GPC5: variants seen among roughly 807,000 people sequenced by gnomAD.
GPC5 encodes the protein glypican 5, also known as glypican-5.
In GPC5, 47 loss-of-function variants were observed where a neutral mutation model predicts 53.9. The ratio of observed to expected loss-of-function variants is 0.87; its 90% CI spans 0.69 to 1.11. The LOEUF is 1.11. Ranked by LOEUF, GPC5 falls within the 50% of genes most tolerant of loss-of-function variation. The pLI, the probability that GPC5 is intolerant of heterozygous loss-of-function variation, is 0.00. For missense variants in GPC5, 748 were observed against 713.1 expected, an observed-to-expected ratio of 1.05 and a Z score of -0.56; for synonymous variants, 286 against 263.3, an observed-to-expected ratio of 1.09 and a Z score of -0.84.
At chr13:92,544,923 A>T (rs1404252744) in intron 7 of GPC5, among the ~76,000 whole-genome samples, 3 of 151,374 alleles carry the variant, frequency 2.0e-5, no homozygotes, top group Admixed American at 6.6e-5. Flanking sequence ...TTTATTTTTT[A>T]TTTTTTTTAT....
intron 7 of GPC5, among the ~76,000 whole-genome samples, chr13:92,258,584 A>G (rs980689419): frequency 6.6e-6 from 1 of 152,196 alleles, no homozygotes; most frequent in Non-Finnish European, 1.5e-5. Context: ...ATTTATTTCT[A>G]TAAGATAGCT....
intron 7 of GPC5, among the ~76,000 whole-genome samples, chr13:92,612,392 C>T (rs1004379038): frequency 3.3e-5 from 5 of 151,942 alleles, no homozygotes; most frequent in Non-Finnish European, 5.9e-5. Flanking sequence ...GAAAATGATT[C>T]AAATCTTAAC....
chr13:92,492,407 G>C (rs1287651714), intron 7 of GPC5, among the ~76,000 whole-genome samples: 1 of 151,706 alleles, frequency 6.6e-6, no homozygotes, highest in Non-Finnish European at 1.5e-5. Context: ...AGGAGTTAAT[G>C]GGTGCAGCAC....
At chr13:91,717,713 T>A (rs1384598962) in intron 3 of GPC5, among the ~76,000 whole-genome samples, 1 of 151,922 alleles carries the variant, frequency 6.6e-6, no homozygotes, top group African/African-American at 2.4e-5. Context: ...CCTGCCATCA[T>A]GCCCGGCTAA....
intron 5 of GPC5, among the ~76,000 whole-genome samples, chr13:91,787,637 G>T (rs1312151919): frequency 4.6e-5 from 7 of 152,112 alleles, no homozygotes; most frequent in Admixed American, 3.9e-4. Context: ...AAGACAGTTT[G>T]CCTATGTATT....
intron 7 of GPC5, among the ~76,000 whole-genome samples, chr13:92,508,612 A>G (rs1039127789): frequency 1.3e-5 from 2 of 152,178 alleles, no homozygotes; most frequent in African/African-American, 4.8e-5. Flanking sequence ...GCTATTGGCT[A>G]TATGAATCTA....
At chr13:92,286,900 A>G (rs895878571) in intron 7 of GPC5, among the ~76,000 whole-genome samples, 1 of 152,168 alleles carries the variant, frequency 6.6e-6, no homozygotes, top group African/African-American at 2.4e-5. Flanking sequence ...TATCACTAGT[A>G]AAAAAGAAAA....
chr13:92,700,102 C>G (rs1347060624), intron 7 of GPC5, among the ~76,000 whole-genome samples: 2 of 152,082 alleles, frequency 1.3e-5, no homozygotes, highest in Non-Finnish European at 1.5e-5. Flanking sequence ...CTTTATGAAT[C>G]TGGGTGCTCT....
At chr13:92,491,693 T>C (rs762254444) in intron 7 of GPC5, among the ~76,000 whole-genome samples, 2 of 152,118 alleles carry the variant, frequency 1.3e-5, no homozygotes, top group Non-Finnish European at 2.9e-5. Flanking sequence ...AAGAAATATA[T>C]TGTCGAATGT....
intron 2 of GPC5, among the ~76,000 whole-genome samples, chr13:91,599,750 C>G (rs1435026402): frequency 6.6e-6 from 1 of 152,236 alleles, no homozygotes; most frequent in South Asian, 2.1e-4. Context: ...TGTGCTCATT[C>G]ATGAAAACAT....
chr13:92,512,252 G>A (rs953227686), intron 7 of GPC5, among the ~76,000 whole-genome samples: 66 of 150,076 alleles, frequency 4.4e-4, no homozygotes, highest in South Asian at 4.4e-3. Context: ...GTGTGTGTGC[G>A]CGCGCGCGCG....
At chr13:91,486,333 G>C (rs1883606024) in intron 2 of GPC5, 1 of 152,128 alleles carries the variant, frequency 6.6e-6, no homozygotes, top group Non-Finnish European at 1.5e-5. Flanking sequence ...TTGCCTCTCT[G>C]TAAGCCAGAT....
At chr13:91,402,354 G>A (rs1877017620) in intron 1 of GPC5, among the ~76,000 whole-genome samples, 1 of 152,156 alleles carries the variant, frequency 6.6e-6, no homozygotes, top group South Asian at 2.1e-4. Flanking sequence ...AATACTAAAA[G>A]ACACTGTAAG....
chr13:92,357,826 C>T (rs2043534851), intron 7 of GPC5, among the ~76,000 whole-genome samples: 1 of 151,486 alleles, frequency 6.6e-6, no homozygotes, highest in Admixed American at 6.6e-5. Context: ...AATCACATCC[C>T]TGCAGGCCCC....
rs766018986 is a variant in GPC5 at position 91,693,612 on chromosome 13, G to A, written c.751G>A (p.Ala251Thr). Residue 251 changes from alanine to threonine, a missense_variant, in exon 3 of 8, where the codon GCC becomes ACC. Ala to Thr is a moderately conservative substitution (Grantham distance 58, BLOSUM62 0). Transcript: ENST00000377067. ...YLHFSKECSR[A>T]LLKMQYCPHC... ...GCACTTCTCCAAAGAGTGCAGCAGA[G>A]CCCTCCTGAAGATGCAATACTGCCC... 9.3e-6 allele frequency: 15 copies of A among 1,614,076 alleles called. No homozygotes were observed. The South Asian group carries it at 1.6e-4, about 18-fold the overall frequency.
intron 1 of GPC5, among the ~76,000 whole-genome samples, chr13:91,413,880 T>C (rs1877993519): frequency 6.6e-6 from 1 of 152,216 alleles, no homozygotes; most frequent in African/African-American, 2.4e-5. Context: ...CTGGAAACAC[T>C]GAGATGATCT....
chr13:92,835,576 C>T (rs1322684804), intron 7 of GPC5, among the ~76,000 whole-genome samples: 1 of 151,990 alleles, frequency 6.6e-6, no homozygotes, highest in Non-Finnish European at 1.5e-5. Context: ...AATTTCACTA[C>T]TGAAGGATAT....
At chr13:91,977,083 AAAT>A in intron 6 of GPC5, among the ~76,000 whole-genome samples, 2 of 151,346 alleles carry the variant, frequency 1.3e-5, no homozygotes. Context: ...TAAATAAATA[AAAT>A]AACCAAGAGA....
At chr13:91,548,129 A>G (rs1446901004) in intron 2 of GPC5, among the ~76,000 whole-genome samples, 3 of 152,164 alleles carry the variant, frequency 2.0e-5, no homozygotes, top group African/African-American at 7.2e-5. Flanking sequence ...CAATAATACA[A>G]TAAAAGGAAA....
Sources: allele counts gnomAD v4.1 joint callset (sites outside exome capture counted in the v4.1 genomes callset), GRCh38; gene constraint gnomAD v4.1.1; transcripts MANE v1.5; gene names NCBI Gene and HGNC (gene_info 2026-07-23, HGNC 2026-07-21).